The following WDR88 variants were observed in gnomAD, a reference collection of about 807,000 sequenced individuals.
WDR88 encodes the protein WD repeat domain 88, also known as WD repeat-containing protein 88.
Under a neutral mutation model 46.8 loss-of-function variants are expected in WDR88, and 40 were observed. The ratio of observed to expected loss-of-function variants is 0.86; its 90% CI spans 0.66 to 1.11. The LOEUF (loss-of-function observed/expected upper bound fraction) is 1.11, where lower values mean the gene tolerates loss of function less well. WDR88 is among the 50% of genes most tolerant of loss of function. WDR88 has a pLI of 0.00. For missense variants in WDR88, 562 were observed against 602.4 expected (o/e 0.93, Z 0.70); for synonymous variants, 235 against 240.7 (o/e 0.98, Z 0.22).
intron 2 of WDR88, among the ~76,000 whole-genome samples, chr19:33,138,832 G>A (rs549949975): frequency 1.1e-3 from 162 of 151,876 alleles, no homozygotes; most frequent in Non-Finnish European, 2.1e-3. Flanking sequence ...ACAGAGGCAC[G>A]CCACCATGCC....
chr19:33,141,230 T>TTTTTTTG (rs1973386770), intron 2 of WDR88, among the ~76,000 whole-genome samples: 1 of 130,798 alleles, frequency 7.6e-6, no homozygotes, highest in Non-Finnish European at 1.6e-5. Flanking sequence ...GGAGCATGTT[T>TTTTTTTG]TTTTTTTTTT....
intron 6 of WDR88, among the ~76,000 whole-genome samples, chr19:33,154,198 T>C (rs1973691081): frequency 6.6e-6 from 1 of 152,150 alleles, no homozygotes; most frequent in African/African-American, 2.4e-5. Flanking sequence ...TATTTATTTA[T>C]TTAGAAATTG....
intron 1 of WDR88, 128 bp downstream of exon 1, chr19:33,132,573 C>T: frequency 7.3e-7 from 1 of 1,362,350 alleles, no homozygotes; most frequent in Non-Finnish European, 9.9e-7. Context: ...GGCCCTAGGC[C>T]CATTTCCCCA....
chr19:33,155,022 G>A (rs1973707493), intron 6 of WDR88, among the ~76,000 whole-genome samples: 1 of 152,158 alleles, frequency 6.6e-6, no homozygotes, highest in Admixed American at 6.6e-5. Flanking sequence ...CTTACAAGAG[G>A]AGGTGAGAAT....
At chr19:33,149,248 G>A (rs146276614) in intron 5 of WDR88, among the ~76,000 whole-genome samples, 70 of 152,222 alleles carry the variant, frequency 4.6e-4, no homozygotes, top group African/African-American at 1.5e-3. Flanking sequence ...ACTTGAACCC[G>A]GAGGTGGAGA....
At position 33,156,337 on chromosome 19, in the gene WDR88, C is replaced by G. The variant is rs1436511409; in HGVS notation, c.810-18C>G. 6.2e-7 allele frequency: 1 copy of G among 1,612,302 alleles called. No individual in the cohort carries two copies. Among genetic ancestry groups the G allele is most frequent in the Admixed American group, 1.7e-5 (1 of 59,938 alleles). On this transcript the variant is annotated intron_variant, in intron 6 of 10. Coordinates refer to ENST00000355868, the MANE Select transcript of WDR88 (RefSeq NM_173479.4). The stretch of plus-strand genomic sequence containing the variant: ...GGAGCAAAGCGCTAATGTGTGCACC[C>G]CACCATCTGTGTTTCAGGGCACATT...
intron 10 of WDR88, chr19:33,174,294 C>T: frequency 6.5e-7 from 1 of 1,530,684 alleles, no homozygotes; most frequent in Non-Finnish European, 8.7e-7. Context: ...AGGCCTGCCC[C>T]AGGTAGGGTT....
intron 9 of WDR88, among the ~76,000 whole-genome samples, chr19:33,167,612 A>G (rs530776588): frequency 6.6e-6 from 1 of 152,202 alleles, no homozygotes; most frequent in South Asian, 2.1e-4. Flanking sequence ...CAAATTGAAA[A>G]GGAAGAGGTA....
chr19:33,160,325 G>A, intron 7 of WDR88, 89 bp from the exon 8 acceptor site: 2 of 1,295,194 alleles, frequency 1.5e-6, no homozygotes, highest in Non-Finnish European at 1.1e-6. Context: ...AGATGAGGTG[G>A]TGCCTCGCCA....
chr19:33,160,538 C>T (rs775793267), intron 8 of WDR88, 42 bp downstream of exon 8: 3 of 1,603,780 alleles, frequency 1.9e-6, no homozygotes, highest in Admixed American at 1.7e-5. Flanking sequence ...GAACTTCCCT[C>T]CCGAGTCCTT....
At chr19:33,140,705 G>A (rs1236548269) in intron 2 of WDR88, among the ~76,000 whole-genome samples, 1 of 151,906 alleles carries the variant, frequency 6.6e-6, no homozygotes, top group East Asian at 1.9e-4. Flanking sequence ...CAGGAGAATT[G>A]CTTGAACCTG....
At chr19:33,156,213 C>A in intron 6 of WDR88, 142 bp from the exon 7 acceptor site, 1 of 729,002 alleles carries the variant, frequency 1.4e-6, no homozygotes, top group Non-Finnish European at 2.2e-6. Context: ...TTAGGTATGT[C>A]TTCAGGTCCT....
intron 9 of WDR88, among the ~76,000 whole-genome samples, chr19:33,171,978 G>C (rs1974046467): frequency 6.6e-6 from 1 of 151,988 alleles, no homozygotes; most frequent in African/African-American, 2.4e-5. Flanking sequence ...TCACCATATT[G>C]GTCAGGCTGG....
At chr19:33,134,116 CCTCTG>C (rs1973196689) in intron 1 of WDR88, among the ~76,000 whole-genome samples, 3 of 152,174 alleles carry the variant, frequency 2.0e-5, no homozygotes, top group Admixed American at 2.0e-4. Flanking sequence ...TTTGTCAGCA[CCTCTG>C]AAATGTACTC....
At chr19:33,166,787 C>T (rs1973961655) in intron 9 of WDR88, among the ~76,000 whole-genome samples, 1 of 150,290 alleles carries the variant, frequency 6.7e-6, no homozygotes, top group Non-Finnish European at 1.5e-5. Context: ...TGGCGCACAC[C>T]TGTAGTTCCA....
At chr19:33,175,248 AAAAC>A (rs139387848) in intron 10 of WDR88, 144 bp from the exon 11 acceptor site, 126,682 of 948,924 alleles carry the variant, frequency 0.13, 11,045 homozygotes, top group South Asian at 0.34. Context: ...AACAAAAACA[AAAAC>A]AAACAAACAA....
chr19:33,165,734 A>T (rs1353443849), intron 9 of WDR88, among the ~76,000 whole-genome samples: 2 of 151,708 alleles, frequency 1.3e-5, no homozygotes, highest in Non-Finnish European at 2.9e-5. Flanking sequence ...CTTTACTAAA[A>T]ATACAAAACT....
chr19:33,160,563 T>C, intron 8 of WDR88, 67 bp downstream of exon 8: 1 of 1,548,750 alleles, frequency 6.5e-7, no homozygotes, highest in East Asian at 2.2e-5. Context: ...TGCTCAATGC[T>C]GGTTGCTGGG....
chr19:33,172,462 G>C, intron 10 of WDR88, 22 bp downstream of exon 10: 24 of 1,589,172 alleles, frequency 1.5e-5, no homozygotes, highest in Non-Finnish European at 2.1e-5. Context: ...GTAAAATTAA[G>C]CCCAGTGAAG....
Sources: allele counts gnomAD v4.1 joint callset (sites outside exome capture counted in the v4.1 genomes callset), GRCh38; gene constraint gnomAD v4.1.1; transcripts MANE v1.5; gene names NCBI Gene and HGNC (gene_info 2026-07-23, HGNC 2026-07-21).